CLEC16A: variants seen among roughly 807,000 people sequenced by gnomAD.
CLEC16A encodes protein CLEC16A.
Under a neutral mutation model 109.5 loss-of-function variants are expected in CLEC16A, and 51 were observed. That is an observed-to-expected ratio of 0.47 (90% confidence interval 0.37 to 0.59). The LOEUF is 0.59. Among genes scored for constraint, CLEC16A ranks in the 20% least tolerant of loss-of-function variants. The probability of loss-of-function intolerance (pLI) is 0.00; values close to 1 mark genes in which losing one functional copy is unlikely to be tolerated. For synonymous variants in CLEC16A, 673 were observed against 564.2 expected (o/e 1.19, Z -2.73); for missense variants, 1,339 against 1,394.0 (o/e 0.96, Z 0.63).
intron 19 of CLEC16A, among the ~76,000 whole-genome samples, chr16:11,074,975 C>T (rs1032494053): frequency 3.9e-5 from 6 of 152,058 alleles, no homozygotes; most frequent in African/African-American, 1.4e-4. Context: ...GAGTTGGAGA[C>T]CAGCCTGGGC....
At chr16:11,100,662 T>C (rs961979558) in intron 19 of CLEC16A, among the ~76,000 whole-genome samples, 4 of 152,214 alleles carry the variant, frequency 2.6e-5, no homozygotes, top group African/African-American at 9.7e-5. Context: ...TCTCAGGGTC[T>C]CAGCTTTCTC....
At chr16:10,981,755 C>T (rs1356649821) in intron 9 of CLEC16A, among the ~76,000 whole-genome samples, 1 of 152,224 alleles carries the variant, frequency 6.6e-6, no homozygotes, top group Non-Finnish European at 1.5e-5. Flanking sequence ...TGACTTCTAT[C>T]CCCAGAGACA....
At chr16:11,124,541 G>A (rs890731386) in intron 21 of CLEC16A, among the ~76,000 whole-genome samples, 13 of 152,206 alleles carry the variant, frequency 8.5e-5, no homozygotes, top group African/African-American at 3.1e-4. Flanking sequence ...GCCCAACACT[G>A]CCCAGTATTA....
At chr16:11,015,981 C>T (rs1039214534) in intron 11 of CLEC16A, among the ~76,000 whole-genome samples, 8 of 152,120 alleles carry the variant, frequency 5.3e-5, no homozygotes, top group African/African-American at 1.9e-4. Flanking sequence ...TGGGAGTCTT[C>T]AGATGTCTGA....
chr16:10,961,386 G>A lies in CLEC16A; in HGVS notation c.210-1069G>A, dbSNP rs571154863. On this transcript the variant is annotated intron_variant, in intron 2 of 23. Coordinates refer to ENST00000409790, the MANE Select transcript of CLEC16A (RefSeq NM_015226.3). This position sits in a 1 kb window ranked among gnomAD's most constrained non-coding sequence, Gnocchi z 4.3. ...CCTCACCACTGTGGAGATGCCAGAC[G>A]AGGACAGAGAGGCACCCACAACTGA... 6.6e-6 allele frequency among the ~76,000 whole-genome samples: 1 copy of A among 152,298 alleles called. No homozygotes were observed. Among genetic ancestry groups the A allele is most frequent in the Non-Finnish European group, 1.5e-5 (1 of 68,030 alleles).
chr16:11,158,874 C>A (rs1330349153), intron 22 of CLEC16A, among the ~76,000 whole-genome samples: 1 of 151,066 alleles, frequency 6.6e-6, no homozygotes, highest in African/African-American at 2.4e-5. Context: ...GAGCCAAGAT[C>A]ATGCCACTGC....
rs1459776762 is a variant in CLEC16A, at chr16:10,954,509, A to G, written c.81-3273A>G. Among the ~76,000 whole-genome samples, 4 of 152,212 alleles carry G rather than the reference A, an allele frequency of 2.6e-5. No homozygotes were observed. The highest frequency in any genetic ancestry group is 5.9e-5 in the Non-Finnish European group (4 of 68,044). On this transcript the variant is annotated intron_variant, in intron 1 of 23. Coordinates refer to ENST00000409790, the MANE Select transcript of CLEC16A (RefSeq NM_015226.3). The surrounding 1 kb of genome is among the most constrained non-coding windows in gnomAD (Gnocchi z 4.2). ...GTAACTGCCAAGTTAGTTATCTGTTATCTCCCAACACCACCAAAATAGGTA... is the reference window on the plus strand; with the variant it reads ...GTAACTGCCAAGTTAGTTATCTGTTGTCTCCCAACACCACCAAAATAGGTA...
rs921105545 is a variant in CLEC16A, at chr16:11,126,097, C to T, written c.2592C>T (p.Ser864=). The T allele has an allele frequency of 1.2e-5, 19 of 1,613,796 alleles. No homozygotes were observed. In the East Asian group the frequency reaches 2.5e-4, roughly 21 times the overall value. The stretch of plus-strand genomic sequence containing the variant: ...ACGACCAGGGGCGCCGGGGCAGCAG[C>T]GACCCCACAGTGCAGCGCTCCGTGT... ...RFYDQGRRGS[S]DPTVQRSVFA... Residue 864 remains serine (S), a synonymous_variant, in exon 22 of 24, where the codon AGC becomes AGT. Transcript: ENST00000409790.
chr16:11,018,717 C>G (rs912800833), intron 11 of CLEC16A, among the ~76,000 whole-genome samples: 2 of 144,860 alleles, frequency 1.4e-5, no homozygotes, highest in Non-Finnish European at 3.0e-5. Flanking sequence ...CTACTGCACT[C>G]CAGCCTGGGC....
At chr16:10,964,713 G>C (rs1324930737) in intron 3 of CLEC16A, among the ~76,000 whole-genome samples, 2 of 152,206 alleles carry the variant, frequency 1.3e-5, no homozygotes, top group Non-Finnish European at 2.9e-5. Flanking sequence ...ACGGCTTTTA[G>C]AGTGTTTCTC....
intron 13 of CLEC16A, among the ~76,000 whole-genome samples, chr16:11,030,184 C>A (rs916038792): frequency 6.6e-6 from 1 of 152,156 alleles, no homozygotes; most frequent in Non-Finnish European, 1.5e-5. Context: ...CTGCTGTGAG[C>A]ATTTGTGTGG....
chr16:11,165,028 C>T (rs552351216), intron 22 of CLEC16A, among the ~76,000 whole-genome samples: 1 of 152,208 alleles, frequency 6.6e-6, no homozygotes, highest in Admixed American at 6.5e-5. Context: ...AAGGAGGACT[C>T]GCCCCCCCAT....
chr16:11,075,424 G>A (rs1012436422), intron 19 of CLEC16A, among the ~76,000 whole-genome samples: 4 of 147,186 alleles, frequency 2.7e-5, no homozygotes, highest in African/African-American at 1.0e-4. Flanking sequence ...GTGTGTGTGT[G>A]TGTATGTGTG....
At chr16:10,956,707 G>A (rs1205154045) in intron 1 of CLEC16A, among the ~76,000 whole-genome samples, 1 of 152,222 alleles carries the variant, frequency 6.6e-6, no homozygotes, top group African/African-American at 2.4e-5. Flanking sequence ...CTTGAGGACT[G>A]GAAGGTGTCT....
chr16:11,118,019 G>A (rs926876948), intron 19 of CLEC16A, among the ~76,000 whole-genome samples: 1 of 151,796 alleles, frequency 6.6e-6, no homozygotes. Context: ...TTGTCACCTA[G>A]GCTACAGTGC....
chr16:10,957,263 G>A (rs1318119676), intron 1 of CLEC16A, among the ~76,000 whole-genome samples: 3 of 152,222 alleles, frequency 2.0e-5, no homozygotes, highest in African/African-American at 7.2e-5. Context: ...TTTTGTCCCA[G>A]CAACTGCTGT....
chr16:10,964,194 C>G (rs1438011513), intron 3 of CLEC16A, among the ~76,000 whole-genome samples: 1 of 152,168 alleles, frequency 6.6e-6, no homozygotes, highest in Non-Finnish European at 1.5e-5. Flanking sequence ...TCGCAGCCGC[C>G]GCTAGGTGGT....
At chr16:10,949,168 G>A (rs919972027) in intron 1 of CLEC16A, among the ~76,000 whole-genome samples, 1 of 152,182 alleles carries the variant, frequency 6.6e-6, no homozygotes, top group African/African-American at 2.4e-5. Context: ...GTAGACAGAC[G>A]CACACCTACT....
chr16:11,179,722 G>A lies in CLEC16A; in HGVS notation c.*1032G>A, dbSNP rs1232554814. On this transcript the variant is annotated 3_prime_UTR_variant, in exon 24 of 24. Coordinates refer to ENST00000409790, the MANE Select transcript of CLEC16A (RefSeq NM_015226.3). ...CTCTACGTCACCTGCCCTCGACTGT[G>A]TGTGCCCACATGTGCCGAGAGATGG... The A allele has an allele frequency of 6.6e-6, 1 of 152,388 alleles. No individual in the cohort carries two copies. The allele number at this position is 152,388 out of a possible 1,614,324, so 9.4% of individuals were successfully genotyped here.
Sources: gnomAD v4.1 joint callset for allele counts (sites outside exome capture counted in the v4.1 genomes callset) on GRCh38, gnomAD v4.1.1 for gene constraint, Gnocchi (gnomAD v3.1) non-coding constraint, MANE v1.5 for transcripts, NCBI Gene and HGNC (gene_info 2026-07-23, HGNC 2026-07-21) for gene names.